Variants in MIDEAS observed in about 807,000 individuals in gnomAD.
MIDEAS encodes the protein mitotic deacetylase associated SANT domain protein, also known as mitotic deacetylase-associated SANT domain protein.
A neutral mutation model predicts 102.7 loss-of-function variants in MIDEAS; 26 were observed. The ratio of observed to expected loss-of-function variants is 0.25; its 90% confidence interval spans 0.19 to 0.35. MIDEAS has a LOEUF of 0.35. Ranked by LOEUF, MIDEAS falls within the 10% of genes least tolerant of loss-of-function variation. The probability of loss-of-function intolerance (pLI) is 1.00; values close to 1 mark genes in which losing one functional copy is unlikely to be tolerated. For synonymous variants in MIDEAS, 585 were observed against 591.0 expected (o/e 0.99, Z 0.15); for missense variants, 1,231 against 1,435.6 (o/e 0.86, Z 2.30).
intron 1 of MIDEAS, among the ~76,000 whole-genome samples, chr14:73,753,762 G>C (rs534289421): frequency 6.6e-6 from 1 of 152,132 alleles, no homozygotes; most frequent in African/African-American, 2.4e-5. Flanking sequence ...CAGAGCTTCC[G>C]GCCTACAGAC....
rs775623041 is a variant in MIDEAS, at chr14:73,729,690, G to A, written c.2045C>T (p.Ala682Val). The part of the protein sequence containing the change: ...NAIISTSTIP[A>V]PPPITPKSAH... ...ACTCTTAGGCGTGATGGGAGGAGGG[G>A]CAGGGATGGTGCTGGTTGATATGAT... Residue 682 changes from alanine to valine, a missense_variant, in exon 4 of 13, where the codon GCC (alanine) becomes GTC (valine). Coordinates refer to ENST00000423556, the MANE Select transcript of MIDEAS (RefSeq NM_001367710.1). The A allele has an allele frequency of 9.3e-6, 15 of 1,613,730 alleles. No homozygotes were observed. Among genetic ancestry groups the A allele is most frequent in the Non-Finnish European group, 1.3e-5 (15 of 1,180,012 alleles).
chr14:73,744,913 G>A (rs2053330956), intron 1 of MIDEAS, among the ~76,000 whole-genome samples: 1 of 152,166 alleles, frequency 6.6e-6, no homozygotes, highest in Non-Finnish European at 1.5e-5. Flanking sequence ...ATAACACACT[G>A]TATATGGCAC....
Position 73,725,264 on chromosome 14 carries a change from C to T in MIDEAS, c.2574+8G>A, listed in dbSNP as rs1181597975. ...CCCTCATTTGCCCTGAAACAGAGCC[C>T]AGCTCACCAGCTTCTGCACCAGGAA... On this transcript the variant is annotated splice_region_variant and intron_variant, in intron 9 of 12. Transcript: ENST00000423556. This position sits in a 1 kb window ranked among gnomAD's most constrained non-coding sequence, Gnocchi z 4.1. 6.2e-7 allele frequency: 1 copy of T among 1,613,106 alleles called. No homozygotes were observed. The highest frequency in any genetic ancestry group is 8.5e-7 in the Non-Finnish European group (1 of 1,179,108).
intron 9 of MIDEAS, chr14:73,724,066 C>G (rs1170973747): frequency 6.6e-6 from 1 of 152,226 alleles, no homozygotes; most frequent in Non-Finnish European, 1.5e-5. Context: ...TCAGTTTTTT[C>G]ATGTGTAAAT....
intron 1 of MIDEAS, chr14:73,758,744 G>C (rs1452633664): frequency 1.3e-5 from 2 of 154,588 alleles, no homozygotes; most frequent in East Asian, 3.9e-4. Context: ...ACCAGCTCTC[G>C]CTGGAGGCTG....
In MIDEAS at chr14:73,719,494, T is replaced by G; in HGVS notation, c.2945A>C (p.Asp982Ala). 6.2e-7 allele frequency: 1 copy of G among 1,613,476 alleles called. No individual in the cohort carries two copies. Among genetic ancestry groups the G allele is most frequent in the Non-Finnish European group, 8.5e-7 (1 of 1,179,874 alleles). ...CTCGTGGCTCCGGAGGATGAGGATG[T>G]CACTGGCCTGAAGAAAATCAAACAA... is the stretch of plus-strand genomic sequence containing the variant. ...QTLQANESAS[D>A]ILILRSHESN... The change falls in exon 12 of 13, where the codon GAC (aspartate) becomes GCC (alanine). Residue 982 changes from aspartate to alanine, a missense_variant. This residue lies in a region of MIDEAS where 391 missense variants were observed against 483.0 expected (regional missense o/e 0.81). Coordinates refer to ENST00000423556, the MANE Select transcript of MIDEAS (RefSeq NM_001367710.1).
intron 1 of MIDEAS, among the ~76,000 whole-genome samples, chr14:73,768,511 C>CTTTTT (rs59819061): frequency 7.2e-6 from 1 of 138,386 alleles, no homozygotes; most frequent in Non-Finnish European, 1.5e-5. Context: ...TTATTGCCAA[C>CTTTTT]TTTTTTTTTT....
At chr14:73,722,431 T>G in intron 10 of MIDEAS, 1 of 288,534 alleles carries the variant, frequency 3.5e-6, no homozygotes, top group Non-Finnish European at 6.5e-6. Flanking sequence ...GTGTTAGAGG[T>G]CTGCTAAGCG....
At chr14:73,779,538 TA>T (rs1595301807) in intron 1 of MIDEAS, among the ~76,000 whole-genome samples, 3 of 145,726 alleles carry the variant, frequency 2.1e-5, no homozygotes, top group East Asian at 2.0e-4. Context: ...TACATTCTTT[TA>T]TTTTTTTTTA....
chr14:73,789,186 T>C (rs767987348), upstream of MIDEAS: 1 of 151,730 alleles, frequency 6.6e-6, no homozygotes, highest in Non-Finnish European at 1.5e-5. Context: ...TTCTGACAAA[T>C]AGAATATGGC....
At chr14:73,774,735 C>T (rs996481188) in intron 1 of MIDEAS, among the ~76,000 whole-genome samples, 1 of 151,924 alleles carries the variant, frequency 6.6e-6, no homozygotes, top group African/African-American at 2.4e-5. Context: ...ATAGCAGAGA[C>T]ACCAAGGTGG....
At chr14:73,727,240 T>G (rs924045742) in intron 5 of MIDEAS, 1 of 631,386 alleles carries the variant, frequency 1.6e-6, no homozygotes, top group Admixed American at 3.0e-5. Flanking sequence ...CTCCTAGAGA[T>G]AAGTTCAAGC....
At chr14:73,756,042 G>A (rs2053475000) in intron 1 of MIDEAS, among the ~76,000 whole-genome samples, 3 of 152,176 alleles carry the variant, frequency 2.0e-5, no homozygotes, top group Non-Finnish European at 2.9e-5. Context: ...ACAGCAAGAG[G>A]AGATGCTGGG....
At chr14:73,789,667 G>A (rs2053850494), upstream of MIDEAS, among the ~76,000 whole-genome samples, 2 of 152,228 alleles carry the variant, frequency 1.3e-5, no homozygotes, top group Non-Finnish European at 2.9e-5. Flanking sequence ...AAGGAAAGCA[G>A]GGGCCAGAGC....
At position 73,739,450 on chromosome 14, in the gene MIDEAS, C is replaced by T; in HGVS notation, c.559G>A (p.Val187Met). The T allele has an allele frequency of 6.3e-7, 1 of 1,597,688 alleles. No homozygotes were observed. The highest frequency in any genetic ancestry group is 1.1e-5 in the South Asian group (1 of 87,882). ...TGGGGCCGCCCTACCTCCAGCTGCACCTTCTGTGGCATCATTGGTCGCACA... is the reference window on the plus strand; with the variant it reads ...TGGGGCCGCCCTACCTCCAGCTGCATCTTCTGTGGCATCATTGGTCGCACA... ...RYVRPMMPQK[V>M]QLEVGRPQAP... The change falls in exon 2 of 13, where the codon GTG (valine) becomes ATG (methionine). Residue 187 changes from valine (V) to methionine (M), a missense_variant. Coordinates refer to ENST00000423556, the MANE Select transcript of MIDEAS (RefSeq NM_001367710.1).
rs776301397 is a variant in MIDEAS at position 73,738,831 on chromosome 14, G to A, written c.1178C>T (p.Pro393Leu). The part of the protein sequence containing the change: ...QQPPPGSLGQ[P>L]HPEALGFPLE... ...CGGGAATCCCAGAGCTTCAGGATGG[G>A]GCTGCCCCAGGGAGCCAGGTGGCGG... The change falls in exon 2 of 13, where the codon CCC (proline) becomes CTC (leucine). Residue 393 changes from proline (P) to leucine (L), a missense_variant. This residue lies in a region of MIDEAS where 758 missense variants were observed against 856.0 expected (regional missense o/e 0.89). Coordinates refer to ENST00000423556, the MANE Select transcript of MIDEAS (RefSeq NM_001367710.1). 1 of 1,572,994 alleles carries A rather than the reference G, an allele frequency of 6.4e-7. No individual in the cohort carries two copies. The highest frequency in any genetic ancestry group is 1.2e-5 in the South Asian group (1 of 84,804).
chr14:73,779,570 A>ATTTTTTTTTT (rs774103102), intron 1 of MIDEAS, among the ~76,000 whole-genome samples: 4 of 60,168 alleles, frequency 6.6e-5, no homozygotes, highest in African/African-American at 1.7e-4. Flanking sequence ...TATTATTATT[A>ATTTTTTTTTT]TTATTTTTTT....
rs777424680 is a variant in MIDEAS, at chr14:73,729,786, T to A, written c.1949A>T (p.Glu650Val). 42 of 1,611,878 alleles carry A rather than the reference T, an allele frequency of 2.6e-5. No homozygotes were observed. Among genetic ancestry groups the A allele is most frequent in the Non-Finnish European group, 3.0e-5 (35 of 1,179,344 alleles). Residue 650 changes from glutamate to valine, a missense_variant, in exon 4 of 13, where the codon GAG becomes GTG. Around this residue, in one of 5 missense-constraint regions of MIDEAS, gnomAD observed 758 missense variants for 856.0 expected, o/e 0.89. Transcript: ENST00000423556. ...GGGGGGCGGCGTGTAGGGAGGTAGC[T>A]CAAAGCTCCGCTCAGAGGGGTGGTC... is the stretch of plus-strand genomic sequence containing the variant. ...LADHPSERSF[E>V]LPPYTPPPIL...
chr14:73,773,069 C>T (rs1038143419), intron 1 of MIDEAS, among the ~76,000 whole-genome samples: 2 of 152,174 alleles, frequency 1.3e-5, no homozygotes, highest in African/African-American at 4.8e-5. Context: ...AACTCCTGAC[C>T]TCAGATGATC....
Sources: gnomAD v4.1 joint callset for allele counts (sites outside exome capture counted in the v4.1 genomes callset) on GRCh38, gnomAD v4.1.1 for gene constraint, gnomAD v4.1.1 regional missense constraint, Gnocchi (gnomAD v3.1) non-coding constraint, MANE v1.5 for transcripts, NCBI Gene and HGNC (gene_info 2026-07-23, HGNC 2026-07-21) for gene names.